Variants in CHL1 observed in about 807,000 individuals in gnomAD.
CHL1 encodes the protein neural cell adhesion molecule L1-like protein.
CHL1 carries 96 observed loss-of-function variants against 141.9 expected under a neutral mutation model. The ratio of observed to expected loss-of-function variants is 0.68; its 90% CI spans 0.57 to 0.80. CHL1 has a LOEUF of 0.80. Among genes scored for constraint, CHL1 ranks in the 30% least tolerant of loss-of-function variants. CHL1 has a pLI of 0.00. For synonymous variants in CHL1, 613 were observed against 502.2 expected (o/e 1.22, Z -2.95); for missense variants, 1,820 against 1,457.2 (o/e 1.25, Z -4.05).
intron 1 of CHL1, among the ~76,000 whole-genome samples, chr3:217,299 T>C (rs1329075312): frequency 6.6e-6 from 1 of 152,110 alleles, no homozygotes; most frequent in Admixed American, 6.6e-5. Context: ...GTAGCTCTGA[T>C]TCTAAGAAGC....
At chr3:224,208 C>A (rs1701120423) in intron 1 of CHL1, among the ~76,000 whole-genome samples, 4 of 152,012 alleles carry the variant, frequency 2.6e-5, no homozygotes, top group African/African-American at 9.7e-5. Flanking sequence ...TGGGGAAGGG[C>A]TATTTTTATC....
chr3:281,068 A>T (rs180981701), intron 2 of CHL1, among the ~76,000 whole-genome samples: 1 of 152,232 alleles, frequency 6.6e-6, no homozygotes, highest in African/African-American at 2.4e-5. Context: ...TTTTGGTAGT[A>T]ATGACTTGTA....
chr3:375,760 G>T (rs1479112703), intron 15 of CHL1, among the ~76,000 whole-genome samples: 1 of 151,952 alleles, frequency 6.6e-6, no homozygotes, highest in Non-Finnish European at 1.5e-5. Context: ...AGAAAATATT[G>T]TTATCCCCAT....
rs576740428 is a variant in CHL1, at chr3:320,988, G to C, written c.91+1121G>C. On this transcript the variant is annotated intron_variant, in intron 3 of 27. Coordinates refer to ENST00000256509, the MANE Select transcript of CHL1 (RefSeq NM_006614.4). Reference sequence around the variant, plus strand: ...TTCTAAATTCTAGAGAAATAATCTTGAGCTCATAAAATTTAATACATCTTA... The same window carrying C: ...TTCTAAATTCTAGAGAAATAATCTTCAGCTCATAAAATTTAATACATCTTA... Among the ~76,000 whole-genome samples the C allele has an allele frequency of 2.9e-4, 44 of 152,110 alleles. No individual in the cohort carries two copies. In the South Asian group the frequency reaches 7.7e-3, roughly 27 times the overall value.
intron 2 of CHL1, among the ~76,000 whole-genome samples, chr3:269,148 G>T (rs560729516): frequency 2.6e-5 from 4 of 152,308 alleles, no homozygotes; most frequent in African/African-American, 7.2e-5. Flanking sequence ...TCAACCAGCT[G>T]CTCGGCTTGT....
At chr3:342,797 A>C (rs1488568080) in intron 7 of CHL1, among the ~76,000 whole-genome samples, 187 bp from the exon 8 acceptor site, 1 of 152,164 alleles carries the variant, frequency 6.6e-6, no homozygotes, top group African/African-American at 2.4e-5. Flanking sequence ...CTCCACCTGG[A>C]TTCAAGATTA....
In CHL1 at chr3:326,072, T is replaced by C. The variant is rs1043732849; in HGVS notation, c.197+8T>C. ...AGGAAATCCAGAACCAACGTGAGTA[T>C]TGTTTCAAACGAAGTGGTTCTTTAA... On this transcript the variant is annotated splice_region_variant and intron_variant, in intron 4 of 27. Coordinates refer to ENST00000256509, the MANE Select transcript of CHL1 (RefSeq NM_006614.4). The C allele has an allele frequency of 6.4e-7, 1 of 1,569,510 alleles. No homozygotes were observed. The highest frequency in any genetic ancestry group is 8.8e-7 in the Non-Finnish European group (1 of 1,141,236).
intron 16 of CHL1, among the ~76,000 whole-genome samples, chr3:379,018 C>G (rs1202209362): frequency 2.0e-5 from 3 of 152,218 alleles, no homozygotes; most frequent in South Asian, 2.1e-4. Flanking sequence ...TGCAGACATT[C>G]CTTAAAAGTG....
At chr3:333,124 A>ATTTTTTTTT (rs879790982) in intron 5 of CHL1, among the ~76,000 whole-genome samples, 1,453 of 83,154 alleles carry the variant, frequency 0.017, 387 homozygotes, top group African/African-American at 0.05. Flanking sequence ...TAATTGCTCT[A>ATTTTTTTTT]TTTTTTTTAT....
At chr3:322,765 G>A (rs1171830891) in intron 3 of CHL1, among the ~76,000 whole-genome samples, 1 of 149,446 alleles carries the variant, frequency 6.7e-6, no homozygotes, top group East Asian at 2.0e-4. Flanking sequence ...GATCATTTGA[G>A]CCCAGGAGGT....
chr3:325,557 G>T (rs947236017), intron 3 of CHL1, among the ~76,000 whole-genome samples: 3 of 151,994 alleles, frequency 2.0e-5, no homozygotes, highest in African/African-American at 7.2e-5. Context: ...TAATTATAAT[G>T]TGTTTATAGA....
In CHL1 at chr3:233,236, C is replaced by T. The variant is rs575038277; in HGVS notation, c.-174-11377C>T. 3.9e-5 allele frequency among the ~76,000 whole-genome samples: 6 copies of T among 152,222 alleles called. No homozygotes were observed. In the East Asian group the frequency reaches 5.8e-4, roughly 15 times the overall value. On this transcript the variant is annotated intron_variant, in intron 1 of 27. Transcript: ENST00000256509. ...TCTGTGCGATCCAACTTTTCAGCCT[C>T]GTCTCTTTTTATTATCTATTGCTTG...
At chr3:242,453 C>T (rs6809286) in intron 1 of CHL1, among the ~76,000 whole-genome samples, 1 of 139,980 alleles carries the variant, frequency 7.1e-6, no homozygotes, top group African/African-American at 2.7e-5. Context: ...AAAATTATCC[C>T]GGCGTGGTGG....
intron 2 of CHL1, among the ~76,000 whole-genome samples, chr3:278,782 A>C (rs929114088): frequency 7.2e-5 from 11 of 152,202 alleles, no homozygotes; most frequent in Non-Finnish European, 4.4e-5. Flanking sequence ...GTATTTTATG[A>C]ATTTCTGAAT....
At chr3:374,978 T>C (rs984256242) in intron 15 of CHL1, among the ~76,000 whole-genome samples, 34 of 152,280 alleles carry the variant, frequency 2.2e-4, no homozygotes, top group Middle Eastern at 3.4e-3. Context: ...TTGTCCCCTT[T>C]CTTGTGTAGG....
Position 265,865 on chromosome 3 carries a change from C to A in CHL1, c.-95+21173C>A, listed in dbSNP as rs74883541. On this transcript the variant is annotated intron_variant, in intron 2 of 27. Transcript: ENST00000256509. ...CTCTGGGATGGGAGAGATTTCTCCT[C>A]AGTATTCAAATTCTGGAAACCTTTT... is the stretch of plus-strand genomic sequence containing the variant. Among the ~76,000 whole-genome samples the A allele has an allele frequency of 7.2e-4, 109 of 152,162 alleles. 2 individuals carry two copies. The East Asian group carries it at 0.02, about 27-fold the overall frequency.
chr3:358,899 A>G (rs1703955303), intron 11 of CHL1, among the ~76,000 whole-genome samples: 1 of 150,310 alleles, frequency 6.7e-6, no homozygotes, highest in Non-Finnish European at 1.5e-5. Flanking sequence ...AAATTTTTGC[A>G]TTTGTGCCCT....
At position 345,516 on chromosome 3, in the gene CHL1, C is replaced by T. The variant is rs1559287949; in HGVS notation, c.848+807C>T. Among the ~76,000 whole-genome samples, 3 of 151,880 alleles carry T rather than the reference C, an allele frequency of 2.0e-5. No homozygotes were observed. The South Asian group carries it at 6.2e-4, about 32-fold the overall frequency. On this transcript the variant is annotated intron_variant, in intron 9 of 27. Coordinates refer to ENST00000256509, the MANE Select transcript of CHL1 (RefSeq NM_006614.4). ...TTTATTTTTTTGAGACAGGGTCTCA[C>T]TCTGTCACCCATGCTGGAGTGCAGA...
chr3:242,381 G>C (rs1446350903), intron 1 of CHL1, among the ~76,000 whole-genome samples: 4 of 142,958 alleles, frequency 2.8e-5, no homozygotes, highest in African/African-American at 5.2e-5. Context: ...CAGATCACGA[G>C]GTCAGGAGAT....
Sources: allele counts gnomAD v4.1 joint callset (sites outside exome capture counted in the v4.1 genomes callset), GRCh38; gene constraint gnomAD v4.1.1; transcripts MANE v1.5; gene names NCBI Gene and HGNC (gene_info 2026-07-23, HGNC 2026-07-21).